The following C12orf42 variants were observed in gnomAD, a reference collection of about 807,000 sequenced individuals.
C12orf42 encodes chromosome 12 open reading frame 42.
Under a neutral mutation model 21.6 loss-of-function variants are expected in C12orf42, and 25 were observed. The ratio of observed to expected loss-of-function variants is 1.16; its 90% CI spans 0.84 to 1.62. C12orf42 has a LOEUF of 1.62. Ranked by LOEUF, C12orf42 falls within the 40% of genes most tolerant of loss-of-function variation. C12orf42 has a pLI of 0.00. For missense variants in C12orf42, 483 were observed against 459.3 expected (o/e 1.05, Z -0.47); for synonymous variants, 174 against 175.0 (o/e 0.99, Z 0.05).
chr12:103,254,233 GA>G (rs1252811701), intron 10 of C12orf42, among the ~76,000 whole-genome samples: 1 of 152,070 alleles, frequency 6.6e-6, no homozygotes, highest in Non-Finnish European at 1.5e-5. Context: ...TTAAATAGGG[GA>G]TCCTTTCCCG....
chr12:103,459,430 G>A (rs1019509802), intron 2 of C12orf42, among the ~76,000 whole-genome samples: 4 of 151,970 alleles, frequency 2.6e-5, no homozygotes, highest in East Asian at 1.9e-4. Context: ...TGTATCCACC[G>A]GAGACCTGGT....
intron 4 of C12orf42, among the ~76,000 whole-genome samples, chr12:103,321,383 G>A (rs1368937097): frequency 1.4e-5 from 2 of 147,620 alleles, no homozygotes; most frequent in South Asian, 4.5e-4. Flanking sequence ...TGGAGAGGAT[G>A]TGGAGAAATA....
At chr12:103,485,523 C>A (rs1302644650) in intron 1 of C12orf42, among the ~76,000 whole-genome samples, 1 of 152,116 alleles carries the variant, frequency 6.6e-6, no homozygotes. Context: ...TCACTGGTAG[C>A]TTGATGGGGA....
chr12:103,497,399 AG>A (rs1229193550), upstream of C12orf42, among the ~76,000 whole-genome samples: 1 of 152,230 alleles, frequency 6.6e-6, no homozygotes, highest in South Asian at 2.1e-4. Flanking sequence ...AACTTAGAGA[AG>A]GGATGAGCTG....
intron 3 of C12orf42, among the ~76,000 whole-genome samples, chr12:103,380,387 T>C (rs1028363935): frequency 6.6e-6 from 1 of 152,186 alleles, no homozygotes; most frequent in African/African-American, 2.4e-5. Flanking sequence ...TTTCTCAATC[T>C]TATGCTGCAG....
the C12orf42 span, among the ~76,000 whole-genome samples, chr12:103,552,157 T>C: frequency 6.6e-6 from 1 of 152,222 alleles, no homozygotes; most frequent in Non-Finnish European, 1.5e-5. Context: ...TTATAGGAAC[T>C]TATATTTGTT....
At chr12:103,251,423 T>C (rs1292013883) in intron 10 of C12orf42, among the ~76,000 whole-genome samples, 1 of 152,216 alleles carries the variant, frequency 6.6e-6, no homozygotes, top group African/African-American at 2.4e-5. Flanking sequence ...CCAATTTCTA[T>C]AATACATTCC....
the C12orf42 span, among the ~76,000 whole-genome samples, chr12:103,214,430 A>G: frequency 6.6e-6 from 1 of 152,144 alleles, no homozygotes; most frequent in African/African-American, 2.4e-5. Flanking sequence ...TTTCCAAATT[A>G]CTGACAAATG....
chr12:103,511,255 A>G, the C12orf42 span, among the ~76,000 whole-genome samples: 1 of 152,140 alleles, frequency 6.6e-6, no homozygotes, highest in Admixed American at 6.6e-5. Context: ...TGCTAGTCTT[A>G]TGATTTTATA....
At chr12:103,514,081 A>G in the C12orf42 span, among the ~76,000 whole-genome samples, 1 of 152,198 alleles carries the variant, frequency 6.6e-6, no homozygotes, top group African/African-American at 2.4e-5. Flanking sequence ...CAGAAAAGCA[A>G]GTAAATATGT....
At chr12:103,466,134 C>T (rs1953109273) in intron 2 of C12orf42, among the ~76,000 whole-genome samples, 1 of 152,118 alleles carries the variant, frequency 6.6e-6, no homozygotes, top group Non-Finnish European at 1.5e-5. Flanking sequence ...AGGGAGGTGT[C>T]ACTCCTTTTC....
At chr12:103,060,766 G>T in the C12orf42 span, among the ~76,000 whole-genome samples, 2 of 152,178 alleles carry the variant, frequency 1.3e-5, no homozygotes, top group African/African-American at 2.4e-5. Flanking sequence ...AAACTGGCTA[G>T]CCATATGCAG....
At chr12:103,169,640 A>G in the C12orf42 span, among the ~76,000 whole-genome samples, 5 of 152,204 alleles carry the variant, frequency 3.3e-5, no homozygotes, top group Non-Finnish European at 4.4e-5. Context: ...TACTCAGAAA[A>G]TAAATGCTAC....
the C12orf42 span, among the ~76,000 whole-genome samples, chr12:103,524,998 TTTTG>T: frequency 5.3e-5 from 8 of 151,810 alleles, no homozygotes; most frequent in African/African-American, 1.5e-4. Flanking sequence ...GGGGAGATTT[TTTTG>T]TTTGTTTTTT....
chr12:103,177,196 A>C, the C12orf42 span, among the ~76,000 whole-genome samples: 1 of 152,180 alleles, frequency 6.6e-6, no homozygotes, highest in Non-Finnish European at 1.5e-5. Flanking sequence ...AGAGGAAAAC[A>C]AATAAGACGG....
the C12orf42 span, among the ~76,000 whole-genome samples, chr12:103,535,799 A>G: frequency 1.3e-5 from 2 of 152,094 alleles, no homozygotes; most frequent in African/African-American, 4.8e-5. Context: ...TTATTTTTAG[A>G]TGGGTTCTCA....
Position 103,470,012 on chromosome 12 carries a change from G to A in C12orf42, c.78+8337C>T, listed in dbSNP as rs1004292850. On this transcript the variant is annotated intron_variant, in intron 2 of 5. Coordinates refer to ENST00000548883, the MANE Select transcript of C12orf42 (RefSeq NM_198521.5). Reference sequence around the variant, plus strand: ...TGAATACCAAAAGTGACTTCAAAGAGCATGGAATATACTGAAGGCGAAATT... The same window carrying A: ...TGAATACCAAAAGTGACTTCAAAGAACATGGAATATACTGAAGGCGAAATT... Among the ~76,000 whole-genome samples the A allele has an allele frequency of 8.5e-5, 13 of 152,318 alleles. No individual in the cohort carries two copies. The South Asian group carries it at 2.7e-3, about 32-fold the overall frequency.
Position 103,302,536 on chromosome 12 carries a change from C to T in C12orf42, c.655G>A (p.Ala219Thr). Reference protein sequence around the residue: ...NSGSAARPSTAIGLCRRSQTP... With the variant: ...NSGSAARPSTTIGLCRRSQTP... ...TGGCTCCTCCTGCAGAGGCCGATGG[C>T]AGTGGAAGGTCTGGCGGCAGAACCT... The change falls in exon 6 of 6, where the codon GCC (alanine) becomes ACC (threonine). Residue 219 changes from alanine (A) to threonine (T), a missense_variant. Ala to Thr is a moderately conservative substitution (Grantham distance 58). Coordinates refer to ENST00000548883, the MANE Select transcript of C12orf42 (RefSeq NM_198521.5). 3 of 1,609,242 alleles carry T rather than the reference C, an allele frequency of 1.9e-6. No individual in the cohort carries two copies. Among genetic ancestry groups the T allele is most frequent in the Non-Finnish European group, 2.5e-6 (3 of 1,177,738 alleles).
At chr12:103,270,492 G>T (rs980206504) in intron 5 of C12orf42, among the ~76,000 whole-genome samples, 9 of 150,974 alleles carry the variant, frequency 6.0e-5, no homozygotes, top group African/African-American at 2.2e-4. Flanking sequence ...TTTTATTATT[G>T]ATTTTTTTCC....
Sources: gnomAD v4.1 joint callset for allele counts (sites outside exome capture counted in the v4.1 genomes callset) on GRCh38, gnomAD v4.1.1 for gene constraint, MANE v1.5 for transcripts, NCBI Gene and HGNC (gene_info 2026-07-23, HGNC 2026-07-21) for gene names.